ALG13: variants seen among roughly 807,000 people sequenced by gnomAD.
ALG13 encodes the protein ALG13 UDP-N-acetylglucosaminyltransferase subunit.
ALG13 carries 11 observed loss-of-function variants against 87.8 expected under a neutral mutation model. The ratio of observed to expected loss-of-function variants is 0.13; its 90% CI spans 0.08 to 0.21. The LOEUF (loss-of-function observed/expected upper bound fraction) is 0.21. Ranked by LOEUF, ALG13 falls within the 10% of genes least tolerant of loss-of-function variation. The pLI is 1.00. For missense variants in ALG13, 756 were observed against 866.1 expected, an observed-to-expected ratio of 0.87 and a Z score of 1.60; for synonymous variants, 320 against 306.3, an observed-to-expected ratio of 1.04 and a Z score of -0.47.
chrX:111,718,924 T>C (rs1197981732), intron 10 of ALG13, among the ~76,000 whole-genome samples: 1 of 112,226 alleles, frequency 8.9e-6, no homozygotes, highest in Non-Finnish European at 1.9e-5. Flanking sequence ...TTCCTAGTTC[T>C]GCCTGCAAAT....
intron 25 of ALG13, among the ~76,000 whole-genome samples, chrX:111,753,873 G>GA (rs1230856174): frequency 1.8e-5 from 2 of 111,701 alleles, no homozygotes; most frequent in African/African-American, 6.5e-5. Context: ...TATTCCTTCT[G>GA]AACGATTCCA....
chrX:111,731,018 C>A (rs187600094), intron 21 of ALG13, among the ~76,000 whole-genome samples: 229 of 112,195 alleles, frequency 2.0e-3, no homozygotes, highest in African/African-American at 7.2e-3. Flanking sequence ...ATGTCACTTT[C>A]TTTTCCATTT....
At chrX:111,713,003 T>TA (rs1051392204) in intron 7 of ALG13, among the ~76,000 whole-genome samples, 5 of 110,128 alleles carry the variant, frequency 4.5e-5, no homozygotes, top group South Asian at 3.8e-4. Context: ...TTAAGATACA[T>TA]AAAAAAAAAT....
intron 23 of ALG13, among the ~76,000 whole-genome samples, chrX:111,742,712 C>T (rs1267760157): frequency 8.9e-6 from 1 of 112,211 alleles, no homozygotes; most frequent in African/African-American, 3.2e-5. Context: ...TGCACTGGAG[C>T]ATCTCACCAC....
At chrX:111,737,093 T>C (rs756148901) in intron 23 of ALG13, 61 of 298,092 alleles carry the variant, frequency 2.0e-4, no homozygotes, top group Non-Finnish European at 2.9e-4. Context: ...TAAGATTTTA[T>C]ACCTTTCATT....
At chrX:111,717,446 G>T (rs192543847) in intron 8 of ALG13, among the ~76,000 whole-genome samples, 35 of 110,035 alleles carry the variant, frequency 3.2e-4, no homozygotes, top group African/African-American at 1.2e-3. Flanking sequence ...TTGGGTATTT[G>T]ACCTAATTTT....
intron 23 of ALG13, among the ~76,000 whole-genome samples, chrX:111,741,990 A>G (rs764597542): frequency 8.9e-6 from 1 of 112,277 alleles, no homozygotes; most frequent in African/African-American, 3.2e-5. Context: ...CTTAAATTCA[A>G]GTGACAGATG....
At chrX:111,722,403 G>A (rs1054018281) in intron 12 of ALG13, among the ~76,000 whole-genome samples, 2 of 111,488 alleles carry the variant, frequency 1.8e-5, no homozygotes, top group African/African-American at 6.5e-5. Context: ...CTTGAACCCT[G>A]GTAAACCTAG....
Position 111,691,825 on chromosome X carries a change from G to T in ALG13, c.383+6722G>T, listed in dbSNP as rs1230033205. On this transcript the variant is annotated intron_variant, in intron 3 of 26. Transcript: ENST00000394780. ...AGTGATGGCTACTCATAGAATCCAT[G>T]TGTAGAATCCATGTGGAGAAACTCT... Among the ~76,000 whole-genome samples the T allele has an allele frequency of 3.5e-5, 4 of 112,736 alleles. No homozygotes were observed. In the East Asian group the frequency reaches 8.4e-4, roughly 24 times the overall value.
intron 3 of ALG13, among the ~76,000 whole-genome samples, chrX:111,696,054 C>T (rs1936925572): frequency 9.0e-6 from 1 of 111,338 alleles, no homozygotes; most frequent in Non-Finnish European, 1.9e-5. Context: ...TTTTAAAATA[C>T]TGGCTTTTCA....
At chrX:111,683,078 AT>A (rs1466006137) in intron 2 of ALG13, among the ~76,000 whole-genome samples, 57 of 109,525 alleles carry the variant, frequency 5.2e-4, no homozygotes, top group African/African-American at 1.9e-3. Flanking sequence ...CAGATTCGTG[AT>A]TAAAAATGTA....
intron 3 of ALG13, chrX:111,689,207 CTGGT>C: frequency 1.3e-6 from 1 of 748,933 alleles, no homozygotes; most frequent in Non-Finnish European, 1.6e-6. Context: ...AGTGAGTAAT[CTGGT>C]TGAGAATTCA....
intron 8 of ALG13, among the ~76,000 whole-genome samples, chrX:111,715,801 C>A (rs2148078125): frequency 8.9e-6 from 1 of 112,436 alleles, no homozygotes; most frequent in African/African-American, 3.2e-5. Context: ...AACAAACTTT[C>A]ATAGAAATAA....
At position 111,697,577 on chromosome X, in the gene ALG13, G is replaced by A. The variant is rs183445311; in HGVS notation, c.384-10450G>A. Among the ~76,000 whole-genome samples, 47 of 111,821 alleles carry A rather than the reference G, an allele frequency of 4.2e-4. 2 individuals carry two copies. In the East Asian group the frequency reaches 9.9e-3, roughly 23 times the overall value. On this transcript the variant is annotated intron_variant, in intron 3 of 26. Coordinates refer to ENST00000394780, the MANE Select transcript of ALG13 (RefSeq NM_001099922.3). ...TAGTTTGCTGTGGAGAAAGCCAATT[G>A]GGATTTCAAGTGCGATATTTCAAAG...
chrX:111,696,589 GTTATT>G (rs1398907065), intron 3 of ALG13, among the ~76,000 whole-genome samples: 1 of 111,924 alleles, frequency 8.9e-6, no homozygotes. Context: ...AACGTGAAGT[GTTATT>G]TTAGAATTAA....
intron 10 of ALG13, among the ~76,000 whole-genome samples, chrX:111,719,739 T>C (rs1941173223): frequency 8.9e-6 from 1 of 111,820 alleles, no homozygotes; most frequent in Non-Finnish European, 1.9e-5. Flanking sequence ...TTGCTGTCAG[T>C]TGGCAGAAGT....
chrX:111,715,931 C>T (rs1940527128), intron 8 of ALG13, among the ~76,000 whole-genome samples: 1 of 111,507 alleles, frequency 9.0e-6, no homozygotes, highest in Non-Finnish European at 1.9e-5. Context: ...TCACTCAGCT[C>T]ATTTGCTCTA....
At chrX:111,751,537 T>C (rs748231922) in intron 24 of ALG13, among the ~76,000 whole-genome samples, 1 of 112,032 alleles carries the variant, frequency 8.9e-6, no homozygotes, top group Admixed American at 9.5e-5. Context: ...TGGGTTGCTT[T>C]TACTTTCTGG....
At chrX:111,683,208 G>C (rs1933957828) in intron 2 of ALG13, among the ~76,000 whole-genome samples, 1 of 110,846 alleles carries the variant, frequency 9.0e-6, no homozygotes, top group African/African-American at 3.3e-5. Context: ...TACACATGAG[G>C]AAACTGAGAC....
Sources: allele counts gnomAD v4.1 joint callset (sites outside exome capture counted in the v4.1 genomes callset), GRCh38; gene constraint gnomAD v4.1.1; transcripts MANE v1.5; gene names NCBI Gene and HGNC (gene_info 2026-07-23, HGNC 2026-07-21).